The following FHOD3 variants were observed in gnomAD, a reference collection of about 807,000 sequenced individuals.
FHOD3 encodes the protein formin homology 2 domain containing 3.
FHOD3 carries 90 observed loss-of-function variants against 173.0 expected under a neutral mutation model. The observed-to-expected ratio is 0.52, with a 90% confidence interval of 0.44 to 0.62. The LOEUF (loss-of-function observed/expected upper bound fraction) is 0.62. Among genes scored for constraint, FHOD3 ranks in the 20% least tolerant of loss-of-function variants. FHOD3 has a pLI of 0.00. For missense variants in FHOD3, 1,945 were observed against 2,034.7 expected (o/e 0.96, Z 0.85); for synonymous variants, 828 against 823.0 (o/e 1.01, Z -0.10).
At chr18:36,530,029 G>T (rs933708739) in intron 5 of FHOD3, among the ~76,000 whole-genome samples, 1 of 151,454 alleles carries the variant, frequency 6.6e-6, no homozygotes, top group African/African-American at 2.4e-5. Flanking sequence ...GTCATGGGGG[G>T]TGGGAACACA....
At chr18:36,414,363 T>G (rs2049514269) in intron 3 of FHOD3, among the ~76,000 whole-genome samples, 1 of 152,230 alleles carries the variant, frequency 6.6e-6, no homozygotes, top group Admixed American at 6.5e-5. Flanking sequence ...TGACCTCAGA[T>G]GTCCATCTCT....
At position 36,600,845 on chromosome 18, in the gene FHOD3, A is replaced by G. The variant is rs543331428; in HGVS notation, c.719-1829A>G. 7.2e-5 allele frequency among the ~76,000 whole-genome samples: 11 copies of G among 152,306 alleles called. No individual in the cohort carries two copies. The East Asian group carries it at 2.1e-3, about 29-fold the overall frequency. On this transcript the variant is annotated intron_variant, in intron 7 of 28. Transcript: ENST00000590592. ...TTCTGGGTCCATTAGCACCACTAGAAAGTCTTAGTTTCGATACTTTCTCCC... is the reference window on the plus strand; with the variant it reads ...TTCTGGGTCCATTAGCACCACTAGAGAGTCTTAGTTTCGATACTTTCTCCC...
Position 36,442,869 on chromosome 18 carries a change from C to T in FHOD3, c.338-59063C>T, listed in dbSNP as rs181423431. ...ATCACACATTTTGTTTCAGTTGTCA[C>T]GTCTCCCTAGTCTCTGGTTTGTGGC... On this transcript the variant is annotated intron_variant, in intron 3 of 28. Transcript: ENST00000590592. 9.1e-4 allele frequency among the ~76,000 whole-genome samples: 138 copies of T among 152,280 alleles called. 1 individual carries two copies. Among genetic ancestry groups the T allele is most frequent in the African/African-American group, 3.0e-3 (125 of 41,548 alleles).
intron 8 of FHOD3, 77 bp from the exon 9 acceptor site, chr18:36,611,875 A>T: frequency 7.2e-7 from 1 of 1,379,396 alleles, no homozygotes; most frequent in Non-Finnish European, 9.9e-7. Flanking sequence ...TGCCTGGATT[A>T]GGCATTGGAA....
At chr18:36,680,548 A>G (rs1447115254) in intron 14 of FHOD3, among the ~76,000 whole-genome samples, 1 of 152,138 alleles carries the variant, frequency 6.6e-6, no homozygotes, top group Non-Finnish European at 1.5e-5. Flanking sequence ...CTTTCCTTAT[A>G]TGTCATACGG....
chr18:36,692,124 G>A (rs2039000589), intron 16 of FHOD3, among the ~76,000 whole-genome samples: 1 of 152,230 alleles, frequency 6.6e-6, no homozygotes. Flanking sequence ...GAAAAGGGGT[G>A]AGGATTACAG....
intron 28 of FHOD3, among the ~76,000 whole-genome samples, chr18:36,777,029 T>C (rs2043709772): frequency 6.6e-6 from 1 of 152,296 alleles, no homozygotes; most frequent in Non-Finnish European, 1.5e-5. Context: ...TTAAGCATCT[T>C]TAAATACCTT....
chr18:36,343,172 A>G (rs2045711424), intron 1 of FHOD3, among the ~76,000 whole-genome samples: 1 of 152,250 alleles, frequency 6.6e-6, no homozygotes, highest in African/African-American at 2.4e-5. Flanking sequence ...AAGAGAGGTG[A>G]AAGCATATGT....
chr18:36,476,512 A>T (rs1417722607), intron 3 of FHOD3, among the ~76,000 whole-genome samples: 1 of 152,030 alleles, frequency 6.6e-6, no homozygotes, highest in Non-Finnish European at 1.5e-5. Flanking sequence ...TCACCCTAAG[A>T]CCTGTGGGTG....
chr18:36,446,511 C>G (rs1468371055), intron 3 of FHOD3, among the ~76,000 whole-genome samples: 1 of 151,936 alleles, frequency 6.6e-6, no homozygotes, highest in African/African-American at 2.4e-5. Flanking sequence ...TTTTGCCACA[C>G]TTTAATCCAC....
At chr18:36,606,888 A>G (rs188667766) in intron 8 of FHOD3, among the ~76,000 whole-genome samples, 1 of 152,234 alleles carries the variant, frequency 6.6e-6, no homozygotes, top group African/African-American at 2.4e-5. Context: ...TTAAGACACC[A>G]GAATAATCTA....
chr18:36,596,801 G>GCCCTCTGCTGCTAGGTAGAAAGA (rs2030511354), intron 7 of FHOD3, among the ~76,000 whole-genome samples: 1 of 152,092 alleles, frequency 6.6e-6, no homozygotes, highest in Admixed American at 6.5e-5. Flanking sequence ...ACAAAATGTT[G>GCCCTCTGCTGCTAGGTAGAAAGA]CCCTCTGCTG....
intron 3 of FHOD3, among the ~76,000 whole-genome samples, chr18:36,403,445 A>G (rs2048917702): frequency 6.6e-6 from 1 of 152,144 alleles, no homozygotes; most frequent in Non-Finnish European, 1.5e-5. Context: ...CTTTTGTGCC[A>G]CCTACTAAGA....
chr18:36,636,547 C>G (rs2034897441), intron 10 of FHOD3, among the ~76,000 whole-genome samples: 1 of 152,138 alleles, frequency 6.6e-6, no homozygotes, highest in Non-Finnish European at 1.5e-5. Context: ...GAGCATACTT[C>G]CCAAAGACAT....
At chr18:36,776,418 G>A (rs116580817) in intron 28 of FHOD3, among the ~76,000 whole-genome samples, 1,801 of 152,264 alleles carry the variant, frequency 0.012, 36 homozygotes, top group African/African-American at 0.041. Flanking sequence ...GGCTCTTGTC[G>A]CGTGTGACTT....
chr18:36,363,213 C>A (rs760764759), intron 2 of FHOD3, among the ~76,000 whole-genome samples: 1 of 152,176 alleles, frequency 6.6e-6, no homozygotes, highest in South Asian at 2.1e-4. Context: ...CAAAATGACA[C>A]GGCCACTTTG....
chr18:36,431,826 AGAGT>A (rs895395487), intron 3 of FHOD3, among the ~76,000 whole-genome samples: 9 of 152,210 alleles, frequency 5.9e-5, no homozygotes, highest in African/African-American at 1.9e-4. Context: ...CTGTTTGCAG[AGAGT>A]GAGTTTTGTT....
chr18:36,536,347 G>C (rs926143529), intron 5 of FHOD3, among the ~76,000 whole-genome samples: 2 of 152,202 alleles, frequency 1.3e-5, no homozygotes, highest in African/African-American at 4.8e-5. Flanking sequence ...GCGACACTTT[G>C]ATTTTAAACC....
At chr18:36,361,871 A>C (rs2046641984) in intron 2 of FHOD3, among the ~76,000 whole-genome samples, 1 of 152,110 alleles carries the variant, frequency 6.6e-6, no homozygotes, top group Non-Finnish European at 1.5e-5. Context: ...GCCCAGGCAG[A>C]GGTGATTTTC....
Sources: allele counts gnomAD v4.1 joint callset (sites outside exome capture counted in the v4.1 genomes callset), GRCh38; gene constraint gnomAD v4.1.1; transcripts MANE v1.5; gene names NCBI Gene and HGNC (gene_info 2026-07-23, HGNC 2026-07-21).